UNC13A: variants seen among roughly 807,000 people sequenced by gnomAD.
UNC13A encodes unc-13 homolog A, also known as protein unc-13 homolog A.
In UNC13A, 61 loss-of-function variants were observed where a neutral mutation model predicts 219.7. The ratio of observed to expected loss-of-function variants is 0.28; its 90% CI spans 0.23 to 0.34. The LOEUF is 0.34. UNC13A is among the 10% of genes least tolerant of loss of function. The pLI, the probability that UNC13A is intolerant of heterozygous loss-of-function variation, is 1.00. For synonymous variants in UNC13A, 920 were observed against 884.6 expected, an observed-to-expected ratio of 1.04 and a Z score of -0.71; for missense variants, 1,476 against 2,270.3, an observed-to-expected ratio of 0.65 and a Z score of 7.11.
chr19:17,658,308 A>C (rs1958483643), intron 8 of UNC13A, 39 bp from the exon 9 acceptor site: 1 of 1,575,838 alleles, frequency 6.3e-7, no homozygotes, highest in African/African-American at 1.3e-5. Context: ...GGTGAGGAAG[A>C]GAGAGTGCAC....
rs543896701 is a variant in UNC13A at position 17,646,030 on chromosome 19, T to C, written c.2126A>G (p.Lys709Arg). The C allele has an allele frequency of 6.2e-7, 1 of 1,613,864 alleles. No individual in the cohort carries two copies. ...CCCATAGATGGTTTTTGTCCGTTTC[T>C]TGGTCTTCCCGACCTGGACGGTGAC... Reference protein sequence around the residue: ...PYVTVQVGKTKKRTKTIYGNL... With the variant: ...PYVTVQVGKTRKRTKTIYGNL... Residue 709 changes from lysine (K) to arginine (R), a missense_variant, in exon 18 of 44, where the codon AAG becomes AGG. Physicochemically the swap from Lys to Arg is conservative, Grantham distance 26. Transcript: ENST00000519716.
chr19:17,627,517 A>G lies in UNC13A; in HGVS notation c.3912T>C (p.Phe1304=), dbSNP rs368547441. The G allele has an allele frequency of 6.4e-7, 1 of 1,559,188 alleles. No homozygotes were observed. Among genetic ancestry groups the G allele is most frequent in the African/African-American group, 1.4e-5 (1 of 73,532 alleles). The change falls in exon 33 of 44, where the codon TTT becomes TTC. Residue 1304 remains phenylalanine (F), a synonymous_variant. Transcript: ENST00000519716. This position sits in a 1 kb window ranked among gnomAD's most constrained non-coding sequence, Gnocchi z 4.7. ...NNVLDELSRV[F]ATSFQPHIEE... ...CCTGGAGATGCTCCCACCTGGTAGC[A>G]AACACCCGGCTGAGCTCATCCAAGA... is the stretch of plus-strand genomic sequence containing the variant.
chr19:17,616,749 C>T (rs1026108730), intron 41 of UNC13A, among the ~76,000 whole-genome samples: 3 of 152,148 alleles, frequency 2.0e-5, no homozygotes, highest in Non-Finnish European at 4.4e-5. Context: ...ACGGAGGGCC[C>T]TTGGGCTGGC....
intron 4 of UNC13A, among the ~76,000 whole-genome samples, chr19:17,671,262 C>T (rs943370840): frequency 6.6e-6 from 1 of 151,942 alleles, no homozygotes; most frequent in Non-Finnish European, 1.5e-5. Context: ...ACACACTATG[C>T]AAAGGTTCAG....
intron 28 of UNC13A, among the ~76,000 whole-genome samples, chr19:17,632,078 T>C (rs1461115388): frequency 2.0e-5 from 3 of 152,154 alleles, no homozygotes; most frequent in Non-Finnish European, 4.4e-5. Flanking sequence ...ACCTGGCTAA[T>C]TTTTGTATTT....
chr19:17,668,081 A>G (rs2145897703), intron 6 of UNC13A, 36 bp downstream of exon 6: 1 of 1,600,596 alleles, frequency 6.2e-7, no homozygotes, highest in South Asian at 1.1e-5. Context: ...AGACAGAAAC[A>G]AGGAAGAAAC....
intron 43 of UNC13A, 48 bp from the exon 44 acceptor site, chr19:17,606,402 G>T: frequency 5.2e-6 from 8 of 1,526,604 alleles, no homozygotes; most frequent in Non-Finnish European, 7.0e-6. Flanking sequence ...CTACTGTGAT[G>T]CCCCGCCCAC....
intron 1 of UNC13A, among the ~76,000 whole-genome samples, chr19:17,681,861 C>T (rs1006522650): frequency 6.6e-6 from 1 of 152,104 alleles, no homozygotes; most frequent in African/African-American, 2.4e-5. Flanking sequence ...TCCTCGGGCC[C>T]CAGAATGCAG....
chr19:17,686,700 C>T (rs1344511727), intron 1 of UNC13A, among the ~76,000 whole-genome samples: 9 of 152,062 alleles, frequency 5.9e-5, no homozygotes, highest in Non-Finnish European at 8.8e-5. Context: ...AGAAAGTAGG[C>T]CCCTGTCCCT....
At chr19:17,648,329 TG>T in intron 16 of UNC13A, 101 bp downstream of exon 16, 4 of 122,164 alleles carry the variant, frequency 3.3e-5, no homozygotes, top group Non-Finnish European at 5.5e-5. Flanking sequence ...CCCCGCCCCA[TG>T]GTGCCCCACC....
chr19:17,606,976 G>A (rs1696545282), intron 43 of UNC13A, among the ~76,000 whole-genome samples: 1 of 152,018 alleles, frequency 6.6e-6, no homozygotes, highest in Admixed American at 6.6e-5. Context: ...CCTCCTACAG[G>A]GTCACGCCCA....
At chr19:17,667,776 A>ATTT (rs34197880) in intron 6 of UNC13A, among the ~76,000 whole-genome samples, 9 of 108,022 alleles carry the variant, frequency 8.3e-5, no homozygotes, top group South Asian at 3.0e-4. Context: ...AGCCTGGCTA[A>ATTT]TTTTTTTTTT....
chr19:17,633,140 A>C lies in UNC13A; in HGVS notation c.3269T>G (p.Leu1090Arg). 1 of 1,614,178 alleles carries C rather than the reference A, an allele frequency of 6.2e-7. No individual in the cohort carries two copies. The highest frequency in any genetic ancestry group is 8.5e-7 in the Non-Finnish European group (1 of 1,180,026). The change falls in exon 27 of 44, where the codon CTG becomes CGG. Residue 1090 changes from leucine to arginine, a missense_variant. Physicochemically the swap from Leu to Arg is moderately radical, Grantham distance 102. Around this residue, in one of 14 missense-constraint regions of UNC13A, gnomAD observed 218 missense variants for 409.4 expected, o/e 0.53. Coordinates refer to ENST00000519716, the MANE Select transcript of UNC13A (RefSeq NM_001080421.3). ...GGCGTACTTCATGTCTTGGGCAAAC[A>C]GATTCCACATCACTTCAGCGCTGAT... ...GKISAEVMWN[L>R]FAQDMKYAME... is the part of the protein sequence containing the mutation.
At chr19:17,606,872 C>G (rs537955572) in intron 43 of UNC13A, among the ~76,000 whole-genome samples, 38 of 150,904 alleles carry the variant, frequency 2.5e-4, no homozygotes, top group Non-Finnish European at 5.2e-4. Flanking sequence ...TGGTGCCTCA[C>G]CATGGGTGAC....
In UNC13A at chr19:17,674,413, A is replaced by G. The variant is rs1342730143; in HGVS notation, c.152+244T>C. Among the ~76,000 whole-genome samples the G allele has an allele frequency of 1.3e-5, 2 of 152,184 alleles. No homozygotes were observed. The highest frequency in any genetic ancestry group is 2.9e-5 in the Non-Finnish European group (2 of 68,036). The stretch of plus-strand genomic sequence containing the variant: ...GAGGAGAACAGATTGTAGGAGGTGG[A>G]TGGCACAGGAGGCCAGGGCGGAGGC... On this transcript the variant is annotated intron_variant, in intron 3 of 43. Transcript: ENST00000519716. The surrounding 1 kb of genome is among the most constrained non-coding windows in gnomAD (Gnocchi z 5.0).
chr19:17,664,157 G>A (rs2079601068), intron 7 of UNC13A, among the ~76,000 whole-genome samples: 1 of 151,978 alleles, frequency 6.6e-6, no homozygotes, highest in Non-Finnish European at 1.5e-5. Flanking sequence ...TGGGTATTTG[G>A]GCCCAGGGTT....
chr19:17,649,286 A>T lies in UNC13A; in HGVS notation c.1524+53T>A. 1.9e-6 allele frequency: 3 copies of T among 1,550,284 alleles called. No homozygotes were observed. Among genetic ancestry groups the T allele is most frequent in the East Asian group, 2.4e-5 (1 of 41,806 alleles). On this transcript the variant is annotated intron_variant, in intron 14 of 43. Coordinates refer to ENST00000519716, the MANE Select transcript of UNC13A (RefSeq NM_001080421.3). This position sits in a 1 kb window ranked among gnomAD's most constrained non-coding sequence, Gnocchi z 4.4. Reference sequence around the variant, plus strand: ...AATTGGGGGCCTGTTAGAAGATCCCAGTGGGGGAGTTTGGGGAGAAGATCC... The same window carrying T: ...AATTGGGGGCCTGTTAGAAGATCCCTGTGGGGGAGTTTGGGGAGAAGATCC...
chr19:17,607,993 C>T (rs2144908684), intron 43 of UNC13A, among the ~76,000 whole-genome samples: 2 of 149,298 alleles, frequency 1.3e-5, no homozygotes, highest in South Asian at 4.2e-4. Flanking sequence ...GATTCTCGTA[C>T]CCCTCACCCT....
intron 43 of UNC13A, among the ~76,000 whole-genome samples, chr19:17,608,642 C>A (rs928752898): frequency 6.6e-6 from 1 of 150,766 alleles, no homozygotes; most frequent in Non-Finnish European, 1.5e-5. Context: ...CTCAGCCTCC[C>A]GAGTAGCTGG....
Sources: gnomAD v4.1 joint callset for allele counts (sites outside exome capture counted in the v4.1 genomes callset) on GRCh38, gnomAD v4.1.1 for gene constraint, gnomAD v4.1.1 regional missense constraint, Gnocchi (gnomAD v3.1) non-coding constraint, MANE v1.5 for transcripts, NCBI Gene and HGNC (gene_info 2026-07-23, HGNC 2026-07-21) for gene names.